Variants in SDK1 observed in about 807,000 individuals in gnomAD.
The protein encoded by SDK1 is sidekick cell adhesion molecule 1, also known as protein sidekick-1.
A neutral mutation model predicts 245.5 loss-of-function variants in SDK1; 157 were observed. That is an observed-to-expected ratio of 0.64 (90% CI 0.56 to 0.73). The LOEUF (loss-of-function observed/expected upper bound fraction) is 0.73. Ranked by LOEUF, SDK1 falls within the 30% of genes least tolerant of loss-of-function variation. The pLI is 0.00. For missense variants in SDK1, 3,583 were observed against 3,002.3 expected, an observed-to-expected ratio of 1.19 and a Z score of -4.52; for synonymous variants, 1,647 against 1,278.5, an observed-to-expected ratio of 1.29 and a Z score of -6.15.
At chr7:4,154,137 G>A (rs951701394) in intron 30 of SDK1, among the ~76,000 whole-genome samples, 2 of 152,190 alleles carry the variant, frequency 1.3e-5, no homozygotes, top group South Asian at 4.1e-4. Context: ...TCTGCATTTA[G>A]CTCTGAGGCA....
chr7:3,984,788 G>T (rs1332460057), intron 13 of SDK1, among the ~76,000 whole-genome samples: 2 of 152,202 alleles, frequency 1.3e-5, no homozygotes, highest in African/African-American at 4.8e-5. Flanking sequence ...ATTGTGTCCA[G>T]TCTGTGAGAA....
At chr7:3,814,175 A>G (rs375431481) in intron 4 of SDK1, among the ~76,000 whole-genome samples, 6 of 151,198 alleles carry the variant, frequency 4.0e-5, no homozygotes, top group African/African-American at 7.3e-5. Flanking sequence ...TTTTGGACAT[A>G]AAGTCCTTGC....
chr7:3,410,004 A>C (rs1230737318), intron 1 of SDK1, among the ~76,000 whole-genome samples: 1 of 152,160 alleles, frequency 6.6e-6, no homozygotes, highest in Non-Finnish European at 1.5e-5. Context: ...TCTGTGCTTC[A>C]ATGTCCTCAC....
intron 19 of SDK1, among the ~76,000 whole-genome samples, chr7:4,056,878 C>A (rs1779238200): frequency 6.6e-6 from 1 of 152,122 alleles, no homozygotes; most frequent in African/African-American, 2.4e-5. Context: ...GACCATTCCG[C>A]CCCGGCTCCC....
intron 1 of SDK1, among the ~76,000 whole-genome samples, chr7:3,544,158 G>T (rs1779141093): frequency 6.6e-6 from 1 of 152,216 alleles, no homozygotes; most frequent in Admixed American, 6.5e-5. Context: ...TGCCTGTGGA[G>T]ACATGCTTGA....
rs771004791 is a variant in SDK1 at position 4,208,209 on chromosome 7, G to A, written c.5325G>A (p.Leu1775=). The change falls in exon 37 of 45, where the codon CTG becomes CTA. Residue 1775 remains leucine (L), a synonymous_variant. Transcript: ENST00000404826. ...LKNLTSHTKY[L]VSISAFNAAG... is the part of the protein sequence containing the mutation. ...ACCTGACCAGCCATACCAAGTACCT[G>A]GTCAGCATATCAGCCTTCAACGCCG... 59 of 1,613,986 alleles carry A rather than the reference G, an allele frequency of 3.7e-5. No individual in the cohort carries two copies. The highest frequency in any genetic ancestry group is 4.9e-5 in the Non-Finnish European group (58 of 1,180,014).
intron 12 of SDK1, among the ~76,000 whole-genome samples, chr7:3,973,821 A>G (rs940258109): frequency 1.3e-5 from 2 of 152,126 alleles, no homozygotes; most frequent in Non-Finnish European, 2.9e-5. Context: ...TTTTTGTATT[A>G]TGACCAAGAT....
chr7:3,834,821 G>A (rs889245889), intron 5 of SDK1, among the ~76,000 whole-genome samples: 1 of 152,156 alleles, frequency 6.6e-6, no homozygotes, highest in African/African-American at 2.4e-5. Context: ...TGTCCAGTGA[G>A]TGCATGGAAG....
rs772970984 is a variant in SDK1 at position 3,645,516 on chromosome 7, T to G, written c.713+3411T>G. Among the ~76,000 whole-genome samples, 183 of 152,224 alleles carry G rather than the reference T, an allele frequency of 1.2e-3. 1 individual carries two copies. Among genetic ancestry groups the G allele is most frequent in the Admixed American group, 1.4e-3 (21 of 15,286 alleles). Reference sequence around the variant, plus strand: ...AGACATATAGCTTTCACATCCCAAGTACACTGATTTGATCTTTACAAATTA... The same window carrying G: ...AGACATATAGCTTTCACATCCCAAGGACACTGATTTGATCTTTACAAATTA... On this transcript the variant is annotated intron_variant, in intron 4 of 44. Transcript: ENST00000404826.
At chr7:3,629,003 G>A (rs1013401311) in intron 2 of SDK1, among the ~76,000 whole-genome samples, 8 of 151,934 alleles carry the variant, frequency 5.3e-5, no homozygotes, top group African/African-American at 9.7e-5. Context: ...GGATAAGAGA[G>A]CACTACAGGC....
intron 4 of SDK1, among the ~76,000 whole-genome samples, chr7:3,798,287 A>G (rs368844746): frequency 2.2e-5 from 3 of 136,312 alleles, no homozygotes; most frequent in African/African-American, 8.5e-5. Flanking sequence ...GCGCGATCTC[A>G]GCTCACTGCA....
chr7:4,129,805 C>A, intron 26 of SDK1, 103 bp from the exon 27 acceptor site: 1 of 1,554,654 alleles, frequency 6.4e-7, no homozygotes, highest in African/African-American at 1.4e-5. Context: ...GGAGAAAGCA[C>A]AGTTGGCTGG....
At chr7:3,444,823 G>A (rs1780298660) in intron 1 of SDK1, among the ~76,000 whole-genome samples, 1 of 152,150 alleles carries the variant, frequency 6.6e-6, no homozygotes, top group African/African-American at 2.4e-5. Flanking sequence ...TCCTGCAAAT[G>A]TGATCCCCTT....
intron 14 of SDK1, among the ~76,000 whole-genome samples, chr7:3,992,840 A>G (rs1244142291): frequency 2.0e-5 from 3 of 152,202 alleles, no homozygotes; most frequent in Non-Finnish European, 4.4e-5. Context: ...ATAGTAGTGC[A>G]CTTTGAGTAA....
chr7:3,650,883 A>C (rs1210182660), intron 4 of SDK1, among the ~76,000 whole-genome samples: 1 of 147,750 alleles, frequency 6.8e-6, no homozygotes, highest in Non-Finnish European at 1.5e-5. Flanking sequence ...TATTGTCTGA[A>C]GCCTAGTTGG....
intron 22 of SDK1, among the ~76,000 whole-genome samples, chr7:4,091,374 A>T (rs570691212): frequency 8.7e-5 from 10 of 115,378 alleles, no homozygotes; most frequent in African/African-American, 3.3e-4. Context: ...ACAGAGTCTC[A>T]CTCTGTCACC....
intron 1 of SDK1, among the ~76,000 whole-genome samples, chr7:3,374,991 AC>A (rs1436076163): frequency 4.6e-5 from 7 of 152,192 alleles, no homozygotes; most frequent in African/African-American, 1.4e-4. Context: ...TGTATGTGCC[AC>A]ATAGTAGACA....
chr7:3,458,096 T>TTG (rs914673712), intron 1 of SDK1, among the ~76,000 whole-genome samples: 6 of 152,326 alleles, frequency 3.9e-5, no homozygotes, highest in Middle Eastern at 3.4e-3. Flanking sequence ...TTTTTCCCTG[T>TTG]TGGAATACTC....
chr7:3,312,395 G>A (rs935687902), intron 1 of SDK1, among the ~76,000 whole-genome samples: 1 of 152,104 alleles, frequency 6.6e-6, no homozygotes, highest in African/African-American at 2.4e-5. Context: ...GTTAGCAGAT[G>A]AATAGTATTC....
Sources: allele counts gnomAD v4.1 joint callset (sites outside exome capture counted in the v4.1 genomes callset), GRCh38; gene constraint gnomAD v4.1.1; transcripts MANE v1.5; gene names NCBI Gene and HGNC (gene_info 2026-07-23, HGNC 2026-07-21).